The following DHRS2 variants were observed in gnomAD, a reference collection of about 807,000 sequenced individuals.
DHRS2 encodes the protein dehydrogenase/reductase 2.
A neutral mutation model predicts 26.3 loss-of-function variants in DHRS2; 29 were observed. That is an observed-to-expected ratio of 1.10 (90% CI 0.82 to 1.50). The LOEUF (loss-of-function observed/expected upper bound fraction) is 1.50. DHRS2 is among the 40% of genes most tolerant of loss of function. The probability of loss-of-function intolerance (pLI) is 0.00; values close to 1 mark genes in which losing one functional copy is unlikely to be tolerated. For missense variants in DHRS2, 439 were observed against 367.1 expected (o/e 1.20, Z -1.60); for synonymous variants, 164 against 151.3 (o/e 1.08, Z -0.62).
intron 7 of DHRS2, 79 bp downstream of exon 7, chr14:23,644,622 A>C: frequency 6.2e-7 from 1 of 1,603,486 alleles, no homozygotes; most frequent in Non-Finnish European, 8.5e-7. Context: ...TCAAGGGGTG[A>C]CTGAATCCTT....
upstream of DHRS2, among the ~76,000 whole-genome samples, chr14:23,632,000 C>T (rs998221255): frequency 6.6e-6 from 1 of 152,188 alleles, no homozygotes; most frequent in Non-Finnish European, 1.5e-5. Flanking sequence ...TCCTGCAAAC[C>T]ACATTGAGGC....
intron 4 of DHRS2, chr14:23,641,739 G>A (rs1340294922): frequency 7.8e-7 from 1 of 1,289,692 alleles, no homozygotes; most frequent in East Asian, 5.5e-5. Flanking sequence ...CCCCACACTG[G>A]TAACCTGTCA....
Position 23,641,707 on chromosome 14 carries a change from C to CT in DHRS2, c.421-1443dup, listed in dbSNP as rs971604938. ...CCCACTTCTGACATCTGGACCACTTCTTGCAGTCATTGGGGGTCATCCCCC... is the reference window on the plus strand; with the variant it reads ...CCCACTTCTGACATCTGGACCACTTCTTTGCAGTCATTGGGGGTCATCCCCC... On this transcript the variant is annotated intron_variant, in intron 4 of 8. Coordinates refer to ENST00000250383, the MANE Select transcript of DHRS2 (RefSeq NM_005794.4). The CT allele has an allele frequency of 5.8e-5, 75 of 1,289,742 alleles. No homozygotes were observed. The African/African-American group carries it at 1.1e-3, about 19-fold the overall frequency. 79.9% of individuals were successfully genotyped at this position (1,289,742 alleles called of 1,614,324 possible).
chr14:23,643,376 T>C, intron 5 of DHRS2, 157 bp downstream of exon 5: 1 of 676,332 alleles, frequency 1.5e-6, no homozygotes, highest in Non-Finnish European at 2.5e-6. Context: ...TCTGTGTGGC[T>C]GCCATTCCCA....
intron 5 of DHRS2, chr14:23,643,665 T>G (rs571174657): frequency 2.2e-5 from 6 of 278,694 alleles, no homozygotes; most frequent in Non-Finnish European, 4.2e-5. Context: ...CAGATCTGAC[T>G]GTACCCCTCA....
Position 23,638,960 on chromosome 14 carries a change from C to A in DHRS2, c.96C>A (p.Gly32=). 1.2e-6 allele frequency: 2 copies of A among 1,613,988 alleles called. No individual in the cohort carries two copies. The highest frequency in any genetic ancestry group is 1.7e-6 in the Non-Finnish European group (2 of 1,180,040). Residue 32 remains glycine, a synonymous_variant, in exon 2 of 9, where the codon GGC becomes GGA. Coordinates refer to ENST00000250383, the MANE Select transcript of DHRS2 (RefSeq NM_005794.4). The stretch of plus-strand genomic sequence containing the variant: ...GCAGCACCGGGATAGACAGGAAGGG[C>A]GTCCTGGCTAACCGGGTAGCCGTGG... The part of the protein sequence containing the change: ...RMSSTGIDRK[G]VLANRVAVVT...
At chr14:23,632,809 C>A (rs10147408), upstream of DHRS2, among the ~76,000 whole-genome samples, 15,868 of 152,176 alleles carry the variant, frequency 0.1, 2,875 homozygotes, top group African/African-American at 0.36. Flanking sequence ...GAGCCTCCTG[C>A]AAGTTCACAT....
In DHRS2 at chr14:23,636,666, G is replaced by A. The variant is rs1460173894; in HGVS notation, c.-145G>A. The A allele has an allele frequency of 2.0e-5, 3 of 152,234 alleles. No individual in the cohort carries two copies. The highest frequency in any genetic ancestry group is 7.2e-5 in the African/African-American group (3 of 41,444). The allele number at this position is 152,234 out of a possible 1,614,324, so 9.4% of individuals were successfully genotyped here. A position where few individuals can be genotyped will look rare whatever the true frequency, so the allele number is the denominator to read the frequency against. On this transcript the variant is annotated 5_prime_UTR_variant, in exon 1 of 9. Coordinates refer to ENST00000250383, the MANE Select transcript of DHRS2 (RefSeq NM_005794.4). The stretch of plus-strand genomic sequence containing the variant: ...CCGTACACATTTTGGTGACTTTGAA[G>A]AGACTGTCACCTATCACCAAGTGGT...
intron 6 of DHRS2, 61 bp from the exon 7 acceptor site, chr14:23,644,348 T>C (rs1331607677): frequency 3.7e-6 from 6 of 1,605,028 alleles, no homozygotes; most frequent in South Asian, 2.2e-5. Flanking sequence ...AGGTGAGAAA[T>C]CCAACTGATG....
chr14:23,641,832 G>C (rs79850348), intron 4 of DHRS2: 3 of 1,253,662 alleles, frequency 2.4e-6, no homozygotes, highest in Non-Finnish European at 3.1e-6. Context: ...ATTGGGGGGT[G>C]GAAAAAACAG....
intron 4 of DHRS2, chr14:23,640,165 T>C: frequency 1.3e-6 from 1 of 768,856 alleles, no homozygotes; most frequent in Non-Finnish European, 1.7e-6. Flanking sequence ...AGGTATTTAT[T>C]GCTGTCTGCC....
chr14:23,637,641 G>A (rs181294567), intron 1 of DHRS2, among the ~76,000 whole-genome samples: 10 of 152,178 alleles, frequency 6.6e-5, no homozygotes, highest in Non-Finnish European at 8.8e-5. Context: ...AGAATGCGTC[G>A]GTAAGGGCCA....
Position 23,644,101 on chromosome 14 carries a change from C to T in DHRS2, c.489-10C>T, listed in dbSNP as rs375409908. Reference sequence around the variant, plus strand: ...TAGCTTCAGCTTCTCTTATGTTTGTCTTGTCTCAGGAGGGGTGCTGTCATC... The same window carrying T: ...TAGCTTCAGCTTCTCTTATGTTTGTTTTGTCTCAGGAGGGGTGCTGTCATC... On this transcript the variant is annotated splice_polypyrimidine_tract_variant and intron_variant, in intron 5 of 8. Transcript: ENST00000250383. 7 of 1,613,946 alleles carry T rather than the reference C, an allele frequency of 4.3e-6. No homozygotes were observed. In the African/African-American group the frequency reaches 6.7e-5, roughly 15 times the overall value.
At chr14:23,630,797 G>T (rs1196042786) in intron 1 of DHRS2, among the ~76,000 whole-genome samples, 2 of 152,226 alleles carry the variant, frequency 1.3e-5, no homozygotes, top group African/African-American at 4.8e-5. Context: ...ACATCTTGAA[G>T]TGGGGGCTTC....
chr14:23,637,642 G>A (rs904616959), intron 1 of DHRS2, among the ~76,000 whole-genome samples: 5 of 152,112 alleles, frequency 3.3e-5, no homozygotes, highest in South Asian at 2.1e-4. Context: ...GAATGCGTCG[G>A]TAAGGGCCAC....
In DHRS2 at chr14:23,641,816, A is replaced by C. The variant is rs28571872; in HGVS notation, c.421-1336A>C. The C allele has an allele frequency of 0.022, 27,768 of 1,274,006 alleles. 4,829 individuals carry two copies. The African/African-American group carries it at 0.37, about 17-fold the overall frequency. The allele number at this position is 1,274,006 out of a possible 1,614,324, so 78.9% of individuals were successfully genotyped here. A position where few individuals can be genotyped will look rare whatever the true frequency, so the allele number is the denominator to read the frequency against. ...TCCCACATCCAAGGGATTGAGTGGG[A>C]GTGAGATTGGGGGGTGGAAAAAACA... On this transcript the variant is annotated intron_variant, in intron 4 of 8. Transcript: ENST00000250383.
upstream of DHRS2, among the ~76,000 whole-genome samples, chr14:23,635,773 C>A (rs1228973880): frequency 6.6e-6 from 1 of 152,272 alleles, no homozygotes; most frequent in Non-Finnish European, 1.5e-5. Flanking sequence ...CCGAAGCCAG[C>A]TCCCTCTGCT....
At chr14:23,635,600 T>A (rs769884255), upstream of DHRS2, among the ~76,000 whole-genome samples, 1 of 152,246 alleles carries the variant, frequency 6.6e-6, no homozygotes, top group Non-Finnish European at 1.5e-5. Context: ...TGAGAGTTTC[T>A]GTTGATTTTG....
intron 4 of DHRS2, chr14:23,642,007 A>G: frequency 3.6e-6 from 4 of 1,113,960 alleles, no homozygotes; most frequent in Non-Finnish European, 4.4e-6. Context: ...TTTCCTTGCT[A>G]CTTCCTCTTT....
Sources: gnomAD v4.1 joint callset for allele counts (sites outside exome capture counted in the v4.1 genomes callset) on GRCh38, gnomAD v4.1.1 for gene constraint, MANE v1.5 for transcripts, NCBI Gene and HGNC (gene_info 2026-07-23, HGNC 2026-07-21) for gene names.